PHIP: variants seen among roughly 807,000 people sequenced by gnomAD.
PHIP encodes PH-interacting protein.
A neutral mutation model predicts 236.8 loss-of-function variants in PHIP; 54 were observed. That is an observed-to-expected ratio of 0.23 (90% confidence interval 0.18 to 0.29). PHIP has a LOEUF of 0.29. Ranked by LOEUF, PHIP falls within the 10% of genes least tolerant of loss-of-function variation. The pLI, the probability that PHIP is intolerant of heterozygous loss-of-function variation, is 1.00. For missense variants in PHIP, 1,370 were observed against 2,190.8 expected, an observed-to-expected ratio of 0.63 and a Z score of 7.48; for synonymous variants, 756 against 718.9, an observed-to-expected ratio of 1.05 and a Z score of -0.83.
intron 30 of PHIP, among the ~76,000 whole-genome samples, chr6:78,962,667 ATATACCCTC>A (rs1159006131): frequency 6.6e-6 from 1 of 152,130 alleles, no homozygotes; most frequent in Non-Finnish European, 1.5e-5. Flanking sequence ...AGAGCAATTA[ATATACCCTC>A]TCCTCTCCCC....
chr6:79,000,490 G>A (rs1394301283), intron 17 of PHIP, among the ~76,000 whole-genome samples: 7 of 151,912 alleles, frequency 4.6e-5, no homozygotes, highest in Non-Finnish European at 7.4e-5. Context: ...GTTTATGAAA[G>A]CCCTTTATAA....
Position 78,965,715 on chromosome 6 carries a change from TA to T in PHIP, c.3366del (p.Ile1123TyrfsTer11). 6.4e-7 allele frequency: 1 copy of T among 1,556,686 alleles called. No individual in the cohort carries two copies. Among genetic ancestry groups the T allele is most frequent in the Non-Finnish European group, 8.8e-7 (1 of 1,131,556 alleles). ...AACACACACTTACCATTATTAGGTATAAGCTCCATATCCCAAGGACTCATCT... is the reference window on the plus strand; with the variant it reads ...AACACACACTTACCATTATTAGGTATAGCTCCATATCCCAAGGACTCATCT... ...TEKMSPWDME[L>X]IPNNAVFPEE... On this transcript the variant is annotated frameshift_variant, in exon 29 of 40. Transcript: ENST00000275034. LOFTEE classifies it high-confidence loss of function.
intron 31 of PHIP, among the ~76,000 whole-genome samples, chr6:78,960,789 A>G (rs991030972): frequency 6.6e-6 from 1 of 152,126 alleles, no homozygotes; most frequent in Non-Finnish European, 1.5e-5. Context: ...GGCACAGGAT[A>G]GCCCCTCACA....
intron 16 of PHIP, among the ~76,000 whole-genome samples, chr6:79,003,248 T>TA (rs538900423): frequency 5.3e-5 from 8 of 151,350 alleles, no homozygotes; most frequent in East Asian, 3.9e-4. Flanking sequence ...CCCTACTCTG[T>TA]AAAAAAAAGC....
At position 78,935,482 on chromosome 6, in the gene PHIP, ATATT is replaced by A. The variant is rs1431940588; in HGVS notation, c.*5207_*5210del. 2 of 977,624 alleles carry A rather than the reference ATATT, an allele frequency of 2.0e-6. No individual in the cohort carries two copies. The highest frequency in any genetic ancestry group is 1.1e-4 in the East Asian group (1 of 8,790). 60.6% of individuals were successfully genotyped at this position (977,624 alleles called of 1,614,324 possible). On this transcript the variant is annotated 3_prime_UTR_variant, in exon 40 of 40. Coordinates refer to ENST00000275034, the MANE Select transcript of PHIP (RefSeq NM_017934.7). ...CCAGAAATTGCACATTTTTGAGAAA[ATATT>A]TATGCAAAGTGTTCCACTGAAATGT...
chr6:79,001,052 A>G (rs1233198887), intron 17 of PHIP, among the ~76,000 whole-genome samples: 2 of 152,102 alleles, frequency 1.3e-5, no homozygotes. Context: ...CATTATTTAA[A>G]AGTCACTCAA....
In PHIP at chr6:79,016,375, C is replaced by A. The variant is rs936239202; in HGVS notation, c.1235+169G>T. On this transcript the variant is annotated intron_variant, in intron 13 of 39. Coordinates refer to ENST00000275034, the MANE Select transcript of PHIP (RefSeq NM_017934.7). ...AATGTCCTGAAATATGCCAATGAATCATTTCATAAAAATCAACACTGCTCA... is the reference window on the plus strand; with the variant it reads ...AATGTCCTGAAATATGCCAATGAATAATTTCATAAAAATCAACACTGCTCA... 1.3e-4 allele frequency among the ~76,000 whole-genome samples: 20 copies of A among 151,880 alleles called. 1 individual carries two copies. The highest frequency in any genetic ancestry group is 3.3e-4 in the Admixed American group (5 of 15,204).
At chr6:79,046,643 G>A (rs1772500596) in intron 6 of PHIP, among the ~76,000 whole-genome samples, 1 of 152,110 alleles carries the variant, frequency 6.6e-6, no homozygotes. Context: ...TTGGGAGGCT[G>A]AGGTGGGTGG....
chr6:78,943,756 T>G (rs1773636822), intron 39 of PHIP, among the ~76,000 whole-genome samples: 2 of 150,886 alleles, frequency 1.3e-5, no homozygotes, highest in South Asian at 4.2e-4. Context: ...GGAGGCCGAG[T>G]GGGGTGGATC....
chr6:78,945,437 G>A lies in PHIP; in HGVS notation c.4691C>T (p.Ser1564Phe). 1 of 1,611,328 alleles carries A rather than the reference G, an allele frequency of 6.2e-7. No individual in the cohort carries two copies. The highest frequency in any genetic ancestry group is 8.5e-7 in the Non-Finnish European group (1 of 1,177,542). Residue 1564 changes from serine to phenylalanine, a missense_variant, in exon 39 of 40, where the codon TCC (serine) becomes TTC (phenylalanine). Coordinates refer to ENST00000275034, the MANE Select transcript of PHIP (RefSeq NM_017934.7). Reference protein sequence around the residue: ...ALNTLSSPGQSSFSHGTRNNS... With the variant: ...ALNTLSSPGQFSFSHGTRNNS... Reference sequence around the variant, plus strand: ...ATTCCTAGTGCCATGACTAAAACTGGATTGACCAGGACTGGAAAGAGTATT... The same window carrying A: ...ATTCCTAGTGCCATGACTAAAACTGAATTGACCAGGACTGGAAAGAGTATT...
chr6:79,009,863 GATATAT>G (rs377243060), intron 15 of PHIP, among the ~76,000 whole-genome samples: 1 of 149,856 alleles, frequency 6.7e-6, no homozygotes, highest in African/African-American at 2.4e-5. Context: ...TTTGTACCAA[GATATAT>G]ATATATAAGA....
Position 78,955,229 on chromosome 6 carries a change from T to TATA in PHIP, c.3903+2_3903+3insTAT. The TATA allele has an allele frequency of 6.3e-7, 1 of 1,599,074 alleles. No individual in the cohort carries two copies. Among genetic ancestry groups the TATA allele is most frequent in the Non-Finnish European group, 8.6e-7 (1 of 1,168,038 alleles). ...ACTTCTGCTAAAACTAAAACTATAT[T>TATA]ACCTTCCTTTTTCGAGTAGAAGTTC... On this transcript the variant is annotated splice_region_variant and intron_variant, in intron 34 of 39. Transcript: ENST00000275034.
intron 15 of PHIP, among the ~76,000 whole-genome samples, chr6:79,011,316 G>C (rs545772098): frequency 6.6e-6 from 1 of 151,940 alleles, no homozygotes; most frequent in East Asian, 1.9e-4. Flanking sequence ...TGAAGGCCTA[G>C]AATGTAGTTT....
intron 31 of PHIP, among the ~76,000 whole-genome samples, chr6:78,959,524 G>A (rs1027021247): frequency 4.6e-5 from 7 of 152,008 alleles, no homozygotes; most frequent in Non-Finnish European, 5.9e-5. Context: ...GAAGTTTCAC[G>A]AAAGAAAAAC....
chr6:78,991,914 G>C (rs1769273149), intron 19 of PHIP, among the ~76,000 whole-genome samples: 1 of 149,720 alleles, frequency 6.7e-6, no homozygotes, highest in African/African-American at 2.5e-5. Flanking sequence ...ACAGTTGTAA[G>C]AAATAACAGC....
At chr6:79,011,573 C>T (rs868338045) in intron 15 of PHIP, among the ~76,000 whole-genome samples, 5 of 151,734 alleles carry the variant, frequency 3.3e-5, no homozygotes, top group South Asian at 4.1e-4. Context: ...CATCATCTCA[C>T]GTGTCATATA....
chr6:78,960,333 T>C (rs1766693878), intron 31 of PHIP, among the ~76,000 whole-genome samples: 4 of 152,132 alleles, frequency 2.6e-5, no homozygotes, highest in African/African-American at 9.6e-5. Context: ...TGTATACAAA[T>C]AGTTCTTTCC....
chr6:79,051,008 T>C (rs1772764548), intron 6 of PHIP, among the ~76,000 whole-genome samples: 1 of 152,140 alleles, frequency 6.6e-6, no homozygotes, highest in Non-Finnish European at 1.5e-5. Context: ...AAGAGAAACA[T>C]GTCAAAGATA....
chr6:79,078,238 A>G lies in PHIP; in HGVS notation c.-170T>C. On this transcript the variant is annotated 5_prime_UTR_variant, in exon 1 of 40. Coordinates refer to ENST00000275034, the MANE Select transcript of PHIP (RefSeq NM_017934.7). ...GGAGGAGGAGGAGGAGGAAACAACA[A>G]CTCTCAGGCAGCGACTACGGCCGTG... 1 of 606,052 alleles carries G rather than the reference A, an allele frequency of 1.7e-6. No homozygotes were observed. Among genetic ancestry groups the G allele is most frequent in the Non-Finnish European group, 2.9e-6 (1 of 347,512 alleles). 37.5% of individuals were successfully genotyped at this position (606,052 alleles called of 1,614,324 possible).
Sources: allele counts gnomAD v4.1 joint callset (sites outside exome capture counted in the v4.1 genomes callset), GRCh38; gene constraint gnomAD v4.1.1; transcripts MANE v1.5; gene names NCBI Gene and HGNC (gene_info 2026-07-23, HGNC 2026-07-21).